Variants in TOX observed in about 807,000 individuals in gnomAD.
TOX encodes thymocyte selection-associated high mobility group box protein TOX.
TOX carries 11 observed loss-of-function variants against 53.7 expected under a neutral mutation model. The observed-to-expected ratio is 0.20, with a 90% CI of 0.13 to 0.34. The LOEUF is 0.34. Ranked by LOEUF, TOX falls within the 10% of genes least tolerant of loss-of-function variation. The pLI, the probability that TOX is intolerant of heterozygous loss-of-function variation, is 1.00. For synonymous variants in TOX, 225 were observed against 245.3 expected, an observed-to-expected ratio of 0.92 and a Z score of 0.77; for missense variants, 570 against 664.6, an observed-to-expected ratio of 0.86 and a Z score of 1.56.
chr8:58,983,463 C>T (rs1813239682), intron 1 of TOX, among the ~76,000 whole-genome samples: 1 of 152,168 alleles, frequency 6.6e-6, no homozygotes, highest in Admixed American at 6.5e-5. Flanking sequence ...CTCTTAAATG[C>T]TACAGAAATC....
chr8:58,853,118 C>CTAT (rs1810853994), intron 3 of TOX, among the ~76,000 whole-genome samples: 1 of 152,160 alleles, frequency 6.6e-6, no homozygotes, highest in Admixed American at 6.6e-5. Flanking sequence ...CTCCGGAACG[C>CTAT]ATTTACTGCC....
intron 3 of TOX, among the ~76,000 whole-genome samples, chr8:58,919,074 G>A (rs1322431781): frequency 4.2e-4 from 62 of 148,760 alleles, no homozygotes; most frequent in Non-Finnish European, 7.5e-4. Context: ...ACAAATGGAA[G>A]AACATTCCAT....
chr8:59,019,075 A>G lies in TOX; in HGVS notation c.103-59067T>C, dbSNP rs574278611. 3.9e-5 allele frequency among the ~76,000 whole-genome samples: 6 copies of G among 152,298 alleles called. No individual in the cohort carries two copies. In the South Asian group the frequency reaches 1.2e-3, roughly 32 times the overall value. ...TATTGTTTGATAATCCCTATTTTAT[A>G]AAATTTTTTTCATAGGTAGATCCTG... On this transcript the variant is annotated intron_variant, in intron 1 of 8. Coordinates refer to ENST00000361421, the MANE Select transcript of TOX (RefSeq NM_014729.3).
chr8:58,860,209 C>T (rs914380476), intron 3 of TOX, among the ~76,000 whole-genome samples: 2 of 152,122 alleles, frequency 1.3e-5, no homozygotes, highest in African/African-American at 4.8e-5. Flanking sequence ...AGTTGTCTTA[C>T]TTTCAACTTC....
At chr8:59,094,116 T>A (rs1804670459) in intron 1 of TOX, among the ~76,000 whole-genome samples, 1 of 152,174 alleles carries the variant, frequency 6.6e-6, no homozygotes, top group African/African-American at 2.4e-5. Context: ...TTTGTAATAT[T>A]CATTATATAT....
chr8:59,000,760 A>G (rs1813676001), intron 1 of TOX, among the ~76,000 whole-genome samples: 1 of 152,234 alleles, frequency 6.6e-6, no homozygotes, highest in African/African-American at 2.4e-5. Context: ...ATACTATATC[A>G]GTGATCAAAA....
intron 1 of TOX, among the ~76,000 whole-genome samples, chr8:58,969,667 A>G (rs1381418960): frequency 2.6e-5 from 4 of 152,204 alleles, no homozygotes; most frequent in Admixed American, 2.6e-4. Flanking sequence ...TTTCAGTTCC[A>G]AAGTGTCTTT....
At chr8:59,057,793 T>C (rs982520690) in intron 1 of TOX, among the ~76,000 whole-genome samples, 1 of 152,206 alleles carries the variant, frequency 6.6e-6, no homozygotes, top group African/African-American at 2.4e-5. Flanking sequence ...TCAGCTGTTT[T>C]TGTAAATATC....
intron 1 of TOX, among the ~76,000 whole-genome samples, chr8:59,105,938 C>T (rs531956817): frequency 6.6e-6 from 1 of 152,224 alleles, no homozygotes; most frequent in African/African-American, 2.4e-5. Context: ...TTTCACTCCA[C>T]TTTAAAATCT....
chr8:59,059,702 G>T (rs935583022), intron 1 of TOX, among the ~76,000 whole-genome samples: 4 of 152,124 alleles, frequency 2.6e-5, no homozygotes. Context: ...AGTTGACCTT[G>T]GCAAACAGTT....
chr8:58,885,766 A>G (rs1811456181), intron 3 of TOX, among the ~76,000 whole-genome samples: 2 of 152,138 alleles, frequency 1.3e-5, no homozygotes, highest in African/African-American at 4.8e-5. Context: ...TTCAGAGGTT[A>G]ATTGCTATAC....
At chr8:59,086,604 A>G (rs1177903543) in intron 1 of TOX, among the ~76,000 whole-genome samples, 1 of 152,240 alleles carries the variant, frequency 6.6e-6, no homozygotes, top group Non-Finnish European at 1.5e-5. Context: ...TCTGAATCAA[A>G]TTAGTCTGAA....
intron 3 of TOX, among the ~76,000 whole-genome samples, chr8:58,854,407 C>T (rs1332797216): frequency 1.3e-5 from 2 of 151,070 alleles, no homozygotes; most frequent in African/African-American, 4.8e-5. Flanking sequence ...AAGCAATCTT[C>T]ACTTTATCGC....
At chr8:58,868,017 T>C (rs189087797) in intron 3 of TOX, among the ~76,000 whole-genome samples, 2 of 152,214 alleles carry the variant, frequency 1.3e-5, no homozygotes, top group Non-Finnish European at 2.9e-5. Context: ...GTAGCTCCCA[T>C]AATCCCCACA....
chr8:58,956,749 G>A (rs1367917883), intron 2 of TOX, among the ~76,000 whole-genome samples: 1 of 152,102 alleles, frequency 6.6e-6, no homozygotes. Context: ...TGGAGTGGCT[G>A]GGATTACAGG....
At chr8:58,830,083 T>A (rs1420752905) in intron 5 of TOX, among the ~76,000 whole-genome samples, 1 of 152,202 alleles carries the variant, frequency 6.6e-6, no homozygotes. Context: ...TTTAAAGGTA[T>A]GTGATTCATA....
chr8:58,992,216 A>C (rs1813466927), intron 1 of TOX: 1 of 152,234 alleles, frequency 6.6e-6, no homozygotes, highest in Non-Finnish European at 1.5e-5. Context: ...GTCTAAGTCT[A>C]CAAGAATTCT....
In TOX at chr8:58,819,353, A is replaced by ATG. The variant is rs146692706; in HGVS notation, c.1006-3631_1006-3630dup. ...GAGTGTCATGTTGGTCACCTGACAAATGTGTTTCCTAGCTTGTAGACAACT... is the reference window on the plus strand; with the variant it reads ...GAGTGTCATGTTGGTCACCTGACAAATGTGTGTTTCCTAGCTTGTAGACAACT... On this transcript the variant is annotated intron_variant, in intron 6 of 8. Transcript: ENST00000361421. 4.2e-3 allele frequency among the ~76,000 whole-genome samples: 641 copies of ATG among 152,362 alleles called. 7 individuals carry two copies. Among genetic ancestry groups the ATG allele is most frequent in the African/African-American group, 0.015 (615 of 41,584 alleles).
At chr8:59,116,382 TCTTA>T (rs541439259) in intron 1 of TOX, among the ~76,000 whole-genome samples, 2 of 152,246 alleles carry the variant, frequency 1.3e-5, no homozygotes, top group Non-Finnish European at 2.9e-5. Flanking sequence ...GGCACAGATT[TCTTA>T]CTTCACCTTT....
Sources: gnomAD v4.1 joint callset for allele counts (sites outside exome capture counted in the v4.1 genomes callset) on GRCh38, gnomAD v4.1.1 for gene constraint, MANE v1.5 for transcripts, NCBI Gene and HGNC (gene_info 2026-07-23, HGNC 2026-07-21) for gene names.